The following KCNIP4 variants were observed in gnomAD, a reference collection of about 807,000 sequenced individuals.
The protein encoded by KCNIP4 is potassium voltage-gated channel interacting protein 4, also known as Kv channel-interacting protein 4.
KCNIP4 carries 12 observed loss-of-function variants against 34.0 expected under a neutral mutation model. That is an observed-to-expected ratio of 0.35 (90% CI 0.23 to 0.57). The LOEUF is 0.57. Ranked by LOEUF, KCNIP4 falls within the 20% of genes least tolerant of loss-of-function variation. The pLI is 0.83. For synonymous variants in KCNIP4, 124 were observed against 102.2 expected (o/e 1.21, Z -1.29); for missense variants, 238 against 311.7 (o/e 0.76, Z 1.78).
chr4:21,143,107 G>A (rs1024830600), intron 1 of KCNIP4, among the ~76,000 whole-genome samples: 4 of 152,166 alleles, frequency 2.6e-5, no homozygotes, highest in African/African-American at 9.7e-5. Flanking sequence ...ATTTGATCAA[G>A]CATTAATTCA....
At chr4:21,488,541 A>T (rs567256924) in intron 1 of KCNIP4, among the ~76,000 whole-genome samples, 1 of 152,236 alleles carries the variant, frequency 6.6e-6, no homozygotes, top group East Asian at 1.9e-4. Flanking sequence ...GCTAAAAAAA[A>T]CCTCTATATT....
At chr4:20,894,065 G>T (rs571335362) in intron 1 of KCNIP4, among the ~76,000 whole-genome samples, 49 of 152,148 alleles carry the variant, frequency 3.2e-4, no homozygotes, top group Non-Finnish European at 5.7e-4. Context: ...ATTTTTGGTA[G>T]AGATGGGATT....
At chr4:21,303,181 T>A (rs906460583) in intron 1 of KCNIP4, among the ~76,000 whole-genome samples, 1 of 152,186 alleles carries the variant, frequency 6.6e-6, no homozygotes, top group Admixed American at 6.5e-5. Flanking sequence ...AAGCCTCTAA[T>A]GAACATAAAC....
At chr4:20,816,303 T>C (rs1435881468) in intron 3 of KCNIP4, among the ~76,000 whole-genome samples, 2 of 150,722 alleles carry the variant, frequency 1.3e-5, no homozygotes, top group African/African-American at 2.4e-5. Context: ...TTTCTCAACA[T>C]GCTACACCAT....
intron 1 of KCNIP4, among the ~76,000 whole-genome samples, chr4:21,153,777 C>T (rs909734485): frequency 2.0e-5 from 3 of 151,964 alleles, no homozygotes; most frequent in African/African-American, 7.2e-5. Context: ...AGTACAGCTC[C>T]TTGAGCACTC....
intron 5 of KCNIP4, among the ~76,000 whole-genome samples, chr4:20,742,761 G>C (rs1176507955): frequency 6.6e-6 from 1 of 152,160 alleles, no homozygotes; most frequent in Admixed American, 6.5e-5. Context: ...ATTAGGGAAA[G>C]AAGAAGTCAA....
intron 1 of KCNIP4, among the ~76,000 whole-genome samples, chr4:20,995,550 G>A (rs991580000): frequency 1.1e-4 from 17 of 152,122 alleles, no homozygotes; most frequent in Non-Finnish European, 1.5e-4. Context: ...ATGAGAACCC[G>A]TTCCCATTTG....
intron 1 of KCNIP4, among the ~76,000 whole-genome samples, chr4:21,658,797 G>T (rs1256786903): frequency 6.6e-6 from 1 of 152,148 alleles, no homozygotes; most frequent in Non-Finnish European, 1.5e-5. Context: ...AGGATCACAG[G>T]CCTGAATTCC....
chr4:20,886,110 C>A (rs189176669), intron 1 of KCNIP4, among the ~76,000 whole-genome samples: 3 of 152,284 alleles, frequency 2.0e-5, no homozygotes, highest in Non-Finnish European at 2.9e-5. Flanking sequence ...CTACTTCTAG[C>A]CTTTACAGAA....
chr4:21,781,508 C>G (rs945926938), intron 1 of KCNIP4, among the ~76,000 whole-genome samples: 3 of 152,048 alleles, frequency 2.0e-5, no homozygotes, highest in African/African-American at 7.2e-5. Context: ...TCACCCATAA[C>G]AAAGACATTC....
At chr4:21,390,931 C>G (rs970794832) in intron 1 of KCNIP4, among the ~76,000 whole-genome samples, 2 of 152,296 alleles carry the variant, frequency 1.3e-5, no homozygotes, top group Admixed American at 1.3e-4. Context: ...TTCCTGCCAA[C>G]AGTGCATGAA....
intron 1 of KCNIP4, among the ~76,000 whole-genome samples, chr4:21,519,791 G>A (rs1275272706): frequency 1.5e-5 from 2 of 135,194 alleles, no homozygotes; most frequent in East Asian, 2.4e-4. Context: ...GTGTATGTGT[G>A]TGTATACACG....
At chr4:21,668,032 C>T (rs1470256286) in intron 1 of KCNIP4, among the ~76,000 whole-genome samples, 4 of 152,158 alleles carry the variant, frequency 2.6e-5, no homozygotes, top group Non-Finnish European at 5.9e-5. Context: ...ATATATATAC[C>T]ATGGAATACT....
intron 1 of KCNIP4, among the ~76,000 whole-genome samples, chr4:21,453,953 T>C (rs1190335736): frequency 2.0e-5 from 3 of 152,058 alleles, no homozygotes; most frequent in Admixed American, 1.3e-4. Context: ...CTTGAAACAA[T>C]GACCTCTGAG....
At chr4:20,798,302 G>A (rs191771485) in intron 3 of KCNIP4, among the ~76,000 whole-genome samples, 2 of 152,310 alleles carry the variant, frequency 1.3e-5, no homozygotes, top group African/African-American at 4.8e-5. Context: ...AATTCAGTAT[G>A]CAGTTTTGTG....
At chr4:21,513,476 T>C (rs1734499057) in intron 1 of KCNIP4, among the ~76,000 whole-genome samples, 1 of 152,216 alleles carries the variant, frequency 6.6e-6, no homozygotes, top group Non-Finnish European at 1.5e-5. Context: ...TAATACACTA[T>C]GCATCCTTTA....
At chr4:21,881,019 T>A (rs1166386774) in intron 1 of KCNIP4, among the ~76,000 whole-genome samples, 1 of 152,208 alleles carries the variant, frequency 6.6e-6, no homozygotes, top group Non-Finnish European at 1.5e-5. Flanking sequence ...ACATTTGTAA[T>A]GTTAAATTGT....
intron 3 of KCNIP4, among the ~76,000 whole-genome samples, chr4:20,795,229 T>C (rs756936342): frequency 5.3e-5 from 8 of 152,102 alleles, no homozygotes; most frequent in Non-Finnish European, 7.4e-5. Context: ...TATGGGAAGA[T>C]AGAATAGAAG....
At chr4:21,863,473 G>A (rs1010170842) in intron 1 of KCNIP4, among the ~76,000 whole-genome samples, 8 of 150,690 alleles carry the variant, frequency 5.3e-5, no homozygotes, top group South Asian at 4.2e-4. Context: ...TTCATTAACC[G>A]AGTAAGGACA....
Sources: allele counts gnomAD v4.1 joint callset (sites outside exome capture counted in the v4.1 genomes callset), GRCh38; gene constraint gnomAD v4.1.1; transcripts MANE v1.5; gene names NCBI Gene and HGNC (gene_info 2026-07-23, HGNC 2026-07-21).